The following ARHGAP17 variants were observed in gnomAD, a reference collection of about 807,000 sequenced individuals.
The protein encoded by ARHGAP17 is rho GTPase-activating protein 17.
In ARHGAP17, 57 loss-of-function variants were observed where a neutral mutation model predicts 99.5. That is an observed-to-expected ratio of 0.57 (90% CI 0.46 to 0.71). ARHGAP17 has a LOEUF of 0.71. Among genes scored for constraint, ARHGAP17 ranks in the 30% least tolerant of loss-of-function variants. The pLI, the probability that ARHGAP17 is intolerant of heterozygous loss-of-function variation, is 0.00. For synonymous variants in ARHGAP17, 417 were observed against 429.6 expected (o/e 0.97, Z 0.36); for missense variants, 1,000 against 1,122.4 (o/e 0.89, Z 1.56).
chr16:24,954,344 G>A (rs996123633), intron 10 of ARHGAP17, among the ~76,000 whole-genome samples: 1 of 152,238 alleles, frequency 6.6e-6, no homozygotes, highest in African/African-American at 2.4e-5. Flanking sequence ...AGGTCAGGGT[G>A]TACCACAATC....
chr16:24,952,796 T>C (rs1425032065), intron 11 of ARHGAP17, 135 bp downstream of exon 11: 4 of 718,848 alleles, frequency 5.6e-6, no homozygotes, highest in Non-Finnish European at 7.3e-6. Flanking sequence ...CACTAAGGAA[T>C]TGTAGCAAGA....
intron 19 of ARHGAP17, among the ~76,000 whole-genome samples, chr16:24,928,504 A>C (rs2152443207): frequency 6.6e-6 from 1 of 152,332 alleles, no homozygotes; most frequent in Middle Eastern, 3.4e-3. Flanking sequence ...AATAGGCATA[A>C]TTCTGGTTTG....
At chr16:25,012,640 C>T (rs1465763941) in intron 1 of ARHGAP17, among the ~76,000 whole-genome samples, 2 of 152,322 alleles carry the variant, frequency 1.3e-5, no homozygotes, top group Middle Eastern at 3.4e-3. Context: ...GTTTATCTTC[C>T]TTAGTCCTTT....
chr16:25,012,908 C>G (rs1597505354), intron 1 of ARHGAP17, among the ~76,000 whole-genome samples: 1 of 152,104 alleles, frequency 6.6e-6, no homozygotes, highest in Non-Finnish European at 1.5e-5. Flanking sequence ...TTCCCATACT[C>G]GGGCCCACAC....
chr16:24,954,989 G>C (rs1207665564), intron 9 of ARHGAP17: 2 of 432,030 alleles, frequency 4.6e-6, no homozygotes, highest in Non-Finnish European at 4.1e-6. Flanking sequence ...AGAAGCTGCA[G>C]TGGCACGCTG....
At chr16:24,942,678 G>T (rs2051349627) in intron 15 of ARHGAP17, among the ~76,000 whole-genome samples, 1 of 150,408 alleles carries the variant, frequency 6.6e-6, no homozygotes, top group Non-Finnish European at 1.5e-5. Flanking sequence ...TGAGGCAGGA[G>T]AATCGCTTGA....
chr16:24,967,854 G>A (rs1453271737), intron 6 of ARHGAP17, among the ~76,000 whole-genome samples: 1 of 151,734 alleles, frequency 6.6e-6, no homozygotes, highest in African/African-American at 2.4e-5. Context: ...AGAGGCAGCA[G>A]TCCTGCTCTG....
At chr16:24,960,055 G>T in intron 7 of ARHGAP17, 76 bp from the exon 8 acceptor site, 1 of 1,378,020 alleles carries the variant, frequency 7.3e-7, no homozygotes, top group Non-Finnish European at 1.0e-6. Flanking sequence ...CAATCTCTGT[G>T]AGCTCTTAGA....
At chr16:24,977,352 A>G (rs372061473) in intron 2 of ARHGAP17, 33 bp from the exon 3 acceptor site, 2 of 1,529,678 alleles carry the variant, frequency 1.3e-6, no homozygotes, top group Non-Finnish European at 1.8e-6. Flanking sequence ...GAACAAATTC[A>G]TCCTCTTTCT....
chr16:25,003,138 A>AT (rs2053413956), intron 1 of ARHGAP17, among the ~76,000 whole-genome samples: 1 of 151,184 alleles, frequency 6.6e-6, no homozygotes, highest in Admixed American at 6.6e-5. Context: ...ATGATACTTG[A>AT]TATTCAATGT....
intron 19 of ARHGAP17, chr16:24,927,609 G>T: frequency 1.3e-6 from 1 of 745,964 alleles, no homozygotes; most frequent in African/African-American, 1.8e-5. Flanking sequence ...TGGCCAGTTA[G>T]TAACAGGCAT....
chr16:24,940,352 G>A (rs1896615068), intron 16 of ARHGAP17, among the ~76,000 whole-genome samples: 1 of 152,126 alleles, frequency 6.6e-6, no homozygotes, highest in Non-Finnish European at 1.5e-5. Flanking sequence ...GAGATGAGAT[G>A]TAGAAACAAT....
chr16:24,927,742 T>C, intron 19 of ARHGAP17: 1 of 1,136,562 alleles, frequency 8.8e-7, no homozygotes, highest in Non-Finnish European at 1.1e-6. Context: ...TCTAAATTAT[T>C]TAATAAAATG....
chr16:24,971,598 G>A (rs1354915168), intron 3 of ARHGAP17, among the ~76,000 whole-genome samples: 1 of 152,176 alleles, frequency 6.6e-6, no homozygotes, highest in Non-Finnish European at 1.5e-5. Flanking sequence ...AAAGTTCTGG[G>A]ATTGCAGGCA....
intron 3 of ARHGAP17, among the ~76,000 whole-genome samples, chr16:24,975,784 GT>G (rs909423291): frequency 6.6e-6 from 1 of 152,160 alleles, no homozygotes; most frequent in African/African-American, 2.4e-5. Context: ...GGGGTCTAAG[GT>G]TTACCGCATG....
rs1221742427 is a variant in ARHGAP17 at position 24,919,598 on chromosome 16, TTC to T, written c.*530_*531del. ...CAGCAGTCACCATCCATGGGCATGG[TTC>T]TGAGGGGACTGGGGAGACACAGACC... On this transcript the variant is annotated 3_prime_UTR_variant, in exon 20 of 20. Transcript: ENST00000289968. The T allele has an allele frequency of 6.6e-6, 1 of 152,534 alleles. No homozygotes were observed. The highest frequency in any genetic ancestry group is 6.6e-5 in the Admixed American group (1 of 15,264). 9.4% of individuals were successfully genotyped at this position (152,534 alleles called of 1,614,324 possible). A position where few individuals can be genotyped will look rare whatever the true frequency, so the allele number is the denominator to read the frequency against.
intron 18 of ARHGAP17, among the ~76,000 whole-genome samples, chr16:24,931,708 C>T (rs1381690404): frequency 2.0e-5 from 3 of 152,208 alleles, no homozygotes; most frequent in South Asian, 2.1e-4. Flanking sequence ...CAGCAGGAGA[C>T]GAAGAAGATA....
intron 14 of ARHGAP17, among the ~76,000 whole-genome samples, chr16:24,946,210 G>A (rs2141209562): frequency 6.6e-6 from 1 of 152,068 alleles, no homozygotes; most frequent in Middle Eastern, 3.4e-3. Context: ...CTTAATGAAT[G>A]ACTCCCCACC....
At chr16:24,935,705 C>A in intron 17 of ARHGAP17, 66 bp from the exon 18 acceptor site, 1 of 1,513,388 alleles carries the variant, frequency 6.6e-7, no homozygotes, top group Non-Finnish European at 9.1e-7. Context: ...ACATACTGCA[C>A]ATAAAACATA....
Sources: gnomAD v4.1 joint callset for allele counts (sites outside exome capture counted in the v4.1 genomes callset) on GRCh38, gnomAD v4.1.1 for gene constraint, MANE v1.5 for transcripts, NCBI Gene and HGNC (gene_info 2026-07-23, HGNC 2026-07-21) for gene names.